Variants in CYP11A1 observed in about 807,000 individuals in gnomAD.
CYP11A1 encodes the protein cytochrome P450 family 11 subfamily A member 1.
CYP11A1 carries 25 observed loss-of-function variants against 51.9 expected under a neutral mutation model. The ratio of observed to expected loss-of-function variants is 0.48; its 90% confidence interval spans 0.35 to 0.67. The LOEUF (loss-of-function observed/expected upper bound fraction) is 0.67. CYP11A1 is among the 30% of genes least tolerant of loss of function. The pLI is 0.00. For synonymous variants in CYP11A1, 245 were observed against 262.1 expected (o/e 0.93, Z 0.63); for missense variants, 578 against 680.9 (o/e 0.85, Z 1.68).
rs768175485 is a variant in CYP11A1 at position 74,348,101 on chromosome 15, C to CT, written c.270-47dup. ...GGCTGATGGAAGGATCCGAGGAGAG[C>CT]TATGGATACAGGCTCAGCACAGCTG... On this transcript the variant is annotated intron_variant, in intron 1 of 8. Coordinates refer to ENST00000268053, the MANE Select transcript of CYP11A1 (RefSeq NM_000781.3). 56 of 1,604,870 alleles carry CT rather than the reference C, an allele frequency of 3.5e-5. 1 individual carries two copies. In the South Asian group the frequency reaches 6.2e-4, roughly 18 times the overall value.
intron 1 of CYP11A1, chr15:74,362,150 T>A (rs887116346): frequency 1.5e-6 from 1 of 680,442 alleles, no homozygotes; most frequent in Non-Finnish European, 2.6e-6. Context: ...CTTTGTGCTC[T>A]CGCTGCAGTT....
At chr15:74,365,259 G>A (rs1459457225) in intron 1 of CYP11A1, among the ~76,000 whole-genome samples, 1 of 149,394 alleles carries the variant, frequency 6.7e-6, no homozygotes, top group Non-Finnish European at 1.5e-5. Context: ...AACAGCTTTA[G>A]CAGTTTTCCC....
At chr15:74,355,224 C>T (rs2060673803) in intron 1 of CYP11A1, among the ~76,000 whole-genome samples, 1 of 152,192 alleles carries the variant, frequency 6.6e-6, no homozygotes, top group South Asian at 2.1e-4. Flanking sequence ...CTTCAACTCA[C>T]ACGTGACCTA....
At chr15:74,339,877 T>C in intron 5 of CYP11A1, 124 bp from the exon 6 acceptor site, 5 of 875,930 alleles carry the variant, frequency 5.7e-6, no homozygotes, top group East Asian at 2.6e-5. Flanking sequence ...CCCATCCCAG[T>C]CTCCAAGACC....
intron 4 of CYP11A1, among the ~76,000 whole-genome samples, chr15:74,343,395 A>ACG (rs1381736959): frequency 1.3e-5 from 2 of 151,966 alleles, no homozygotes; most frequent in African/African-American, 4.8e-5. Flanking sequence ...CCAAGGTCAC[A>ACG]TGGCTGTAAG....
chr15:74,348,122 A>T, intron 1 of CYP11A1, 67 bp from the exon 2 acceptor site: 1 of 1,568,486 alleles, frequency 6.4e-7, no homozygotes, highest in South Asian at 1.1e-5. Flanking sequence ...GGCTCAGCAC[A>T]GCTGCCTCAC....
chr15:74,364,448 T>C (rs1431082732), intron 1 of CYP11A1: 2 of 152,186 alleles, frequency 1.3e-5, no homozygotes, highest in African/African-American at 2.4e-5. Flanking sequence ...CTATGTAACT[T>C]GAATACTTCA....
rs1000707463 is a variant in CYP11A1, at chr15:74,338,014, G to A, written c.1524C>T (p.Ser508=). Reference sequence around the variant, plus strand: ...CCTGGTTAAAGGGCCAGAAGGTGAAGGAGATGGGCTTTTCAGGCATCAGAA... The same window carrying A: ...CCTGGTTAAAGGGCCAGAAGGTGAAAGAGATGGGCTTTTCAGGCATCAGAA... The part of the protein sequence containing the change: ...NLILMPEKPI[S]FTFWPFNQEA... Residue 508 remains serine (S), a synonymous_variant, in exon 9 of 9, where the codon TCC becomes TCT. Transcript: ENST00000268053. The A allele has an allele frequency of 6.2e-7, 1 of 1,614,208 alleles. No homozygotes were observed. Among genetic ancestry groups the A allele is most frequent in the Non-Finnish European group, 8.5e-7 (1 of 1,180,034 alleles).
chr15:74,360,535 C>T (rs1336710754), intron 1 of CYP11A1, among the ~76,000 whole-genome samples: 2 of 151,558 alleles, frequency 1.3e-5, no homozygotes, highest in African/African-American at 4.8e-5. Flanking sequence ...CCACCCGCCT[C>T]GGCCTCCCAA....
In CYP11A1 at chr15:74,348,045, C is replaced by T. The variant is rs190764523; in HGVS notation, c.280G>A (p.Gly94Ser). The change falls in exon 2 of 9, where the codon GGC (glycine) becomes AGC (serine). Residue 94 changes from glycine to serine, a missense_variant. Gly to Ser is a moderately conservative substitution (Grantham distance 56, BLOSUM62 0). Coordinates refer to ENST00000268053, the MANE Select transcript of CYP11A1 (RefSeq NM_000781.3). The stretch of plus-strand genomic sequence containing the variant: ...ATGACATAAACCGACTCCACGTTGC[C>T]GAGCTTCTCCCTGGAGGGGTGGGGG... ...KYGPIYREKL[G>S]NVESVYVIDP... 279 of 1,614,138 alleles carry T rather than the reference C, an allele frequency of 1.7e-4. No individual in the cohort carries two copies. Among genetic ancestry groups the T allele is most frequent in the Non-Finnish European group, 2.3e-4 (272 of 1,180,020 alleles).
In CYP11A1 at chr15:74,345,515, A is replaced by C. The variant is rs753929143; in HGVS notation, c.426-272T>G. On this transcript the variant is annotated intron_variant, in intron 2 of 8. Transcript: ENST00000268053. This position sits in a 1 kb window ranked among gnomAD's most constrained non-coding sequence, Gnocchi z 4.3. ...TCCCTCTGCTGAGGGCCAGGAACTG[A>C]TATTCTTAGAACCCTTTGTGTAACT... Among the ~76,000 whole-genome samples the C allele has an allele frequency of 1.9e-4, 29 of 152,100 alleles. No homozygotes were observed. Among genetic ancestry groups the C allele is most frequent in the Non-Finnish European group, 2.2e-4 (15 of 68,006 alleles).
chr15:74,338,262 T>G, intron 8 of CYP11A1, 159 bp from the exon 9 acceptor site: 2 of 852,262 alleles, frequency 2.3e-6, no homozygotes, highest in East Asian at 2.6e-5. Context: ...TGCCTGATAA[T>G]GCACCCTTAG....
intron 8 of CYP11A1, 55 bp from the exon 9 acceptor site, chr15:74,338,158 A>T (rs1471726687): frequency 1.2e-6 from 2 of 1,608,454 alleles, no homozygotes; most frequent in Non-Finnish European, 1.7e-6. Flanking sequence ...CTGTCTCCCT[A>T]GCCAGGCCAA....
In CYP11A1 at chr15:74,337,893, A is replaced by G; in HGVS notation, c.*79T>C. The G allele has an allele frequency of 1.3e-6, 2 of 1,591,774 alleles. No individual in the cohort carries two copies. Among genetic ancestry groups the G allele is most frequent in the Non-Finnish European group, 1.7e-6 (2 of 1,163,310 alleles). On this transcript the variant is annotated 3_prime_UTR_variant, in exon 9 of 9. Transcript: ENST00000268053. The stretch of plus-strand genomic sequence containing the variant: ...GGCAGAAAGGAGCAGGACTTGGGAC[A>G]GACGACTGAAGATGCAGAGACCCCA...
intron 1 of CYP11A1, among the ~76,000 whole-genome samples, chr15:74,358,019 T>C (rs1227942451): frequency 6.6e-6 from 1 of 152,228 alleles, no homozygotes; most frequent in Non-Finnish European, 1.5e-5. Flanking sequence ...TAAAGATGCC[T>C]TCCATATCCT....
rs574069239 is a variant in CYP11A1 at position 74,366,149 on chromosome 15, A to C, written c.269+1168T>G. 1.4e-4 allele frequency: 137 copies of C among 985,558 alleles called. 1 individual carries two copies. The Middle Eastern group carries it at 4.2e-3, about 30-fold the overall frequency. 61.1% of individuals were successfully genotyped at this position (985,558 alleles called of 1,614,324 possible). ...CGGGGGCCACGCTAGGGCGGACCCA[A>C]TTTCGGAATAGCGCGGCCCGGGCGG... On this transcript the variant is annotated intron_variant, in intron 1 of 8. Transcript: ENST00000268053.
At chr15:74,348,092 CGAG>C (rs1446084448) in intron 1 of CYP11A1, 37 bp from the exon 2 acceptor site, 6 of 1,609,518 alleles carry the variant, frequency 3.7e-6, no homozygotes, top group Non-Finnish European at 4.2e-6. Context: ...TGGAAGGATC[CGAG>C]GAGAGCTATG....
At chr15:74,365,552 T>C (rs2060728311) in intron 1 of CYP11A1, 1 of 500,424 alleles carries the variant, frequency 2.0e-6, no homozygotes, top group Non-Finnish European at 2.6e-6. Flanking sequence ...TAGGGCTTGT[T>C]CTCTAACCAC....
At chr15:74,351,567 G>A (rs1357405301) in intron 1 of CYP11A1, among the ~76,000 whole-genome samples, 1 of 152,182 alleles carries the variant, frequency 6.6e-6, no homozygotes, top group Non-Finnish European at 1.5e-5. Flanking sequence ...CCCACCTAAA[G>A]CCAGAGACGT....
Sources: gnomAD v4.1 joint callset for allele counts (sites outside exome capture counted in the v4.1 genomes callset) on GRCh38, gnomAD v4.1.1 for gene constraint, Gnocchi (gnomAD v3.1) non-coding constraint, MANE v1.5 for transcripts, NCBI Gene and HGNC (gene_info 2026-07-23, HGNC 2026-07-21) for gene names.